Variants in UBE2F observed in about 807,000 individuals in gnomAD.
The protein encoded by UBE2F is ubiquitin conjugating enzyme E2 F (putative), also known as NEDD8-conjugating enzyme UBE2F.
In UBE2F, 5 loss-of-function variants were observed where a neutral mutation model predicts 29.6. That is an observed-to-expected ratio of 0.17 (90% CI 0.09 to 0.36). The LOEUF (loss-of-function observed/expected upper bound fraction) is 0.36. Ranked by LOEUF, UBE2F falls within the 10% of genes least tolerant of loss-of-function variation. UBE2F has a pLI of 1.00. For synonymous variants in UBE2F, 66 were observed against 81.8 expected, an observed-to-expected ratio of 0.81 and a Z score of 1.04; for missense variants, 141 against 228.5, an observed-to-expected ratio of 0.62 and a Z score of 2.47.
At chr2:238,021,384 G>A (rs2064289300) in intron 5 of UBE2F, among the ~76,000 whole-genome samples, 2 of 152,094 alleles carry the variant, frequency 1.3e-5, no homozygotes, top group Non-Finnish European at 2.9e-5. Context: ...GAGACAACAC[G>A]GCCATGCAAA....
chr2:238,032,119 G>T lies in UBE2F; in HGVS notation c.412-103G>T, dbSNP rs1170776541. 3.6e-6 allele frequency: 3 copies of T among 839,242 alleles called. No homozygotes were observed. The African/African-American group carries it at 5.1e-5, about 14-fold the overall frequency. 52.0% of individuals were successfully genotyped at this position (839,242 alleles called of 1,614,324 possible). On this transcript the variant is annotated intron_variant, in intron 7 of 9. Transcript: ENST00000272930. Reference sequence around the variant, plus strand: ...CTTGAGAAAAACAAACCATGCTAAAGACAGGTTTTGATACAGTGCAAAGCA... The same window carrying T: ...CTTGAGAAAAACAAACCATGCTAAATACAGGTTTTGATACAGTGCAAAGCA...
Position 237,967,259 on chromosome 2 carries a change from C to A in UBE2F, c.-17+127C>A. 1.7e-6 allele frequency: 1 copy of A among 593,594 alleles called. No individual in the cohort carries two copies. The highest frequency in any genetic ancestry group is 2.1e-6 in the Non-Finnish European group (1 of 474,318). 36.8% of individuals were successfully genotyped at this position (593,594 alleles called of 1,614,324 possible). A position where few individuals can be genotyped will look rare whatever the true frequency, so the allele number is the denominator to read the frequency against. ...CCTCGGGCCCGCCGGGTTCCTCACG[C>A]CGGGGGCCTGGCGGGCGCGGGCACC... On this transcript the variant is annotated intron_variant, in intron 1 of 9. Transcript: ENST00000272930. This position sits in a 1 kb window ranked among gnomAD's most constrained non-coding sequence, Gnocchi z 6.3.
At chr2:238,011,561 CT>C (rs1391287557) in intron 4 of UBE2F, among the ~76,000 whole-genome samples, 5 of 152,216 alleles carry the variant, frequency 3.3e-5, no homozygotes, top group African/African-American at 1.2e-4. Context: ...CACTCATCAA[CT>C]ATTTGTGTAA....
At chr2:237,995,375 A>G (rs1371279057) in intron 4 of UBE2F, among the ~76,000 whole-genome samples, 1 of 152,250 alleles carries the variant, frequency 6.6e-6, no homozygotes. Flanking sequence ...TTCTTGGTCA[A>G]AGTGACAGCA....
intron 7 of UBE2F, among the ~76,000 whole-genome samples, chr2:238,031,917 C>A (rs1168792462): frequency 2.0e-5 from 3 of 152,224 alleles, no homozygotes; most frequent in Non-Finnish European, 2.9e-5. Flanking sequence ...TAAGGTGGAG[C>A]CCCTATGCAG....
chr2:238,005,131 G>A (rs959215716), intron 4 of UBE2F, among the ~76,000 whole-genome samples: 4 of 152,212 alleles, frequency 2.6e-5, no homozygotes, highest in African/African-American at 9.6e-5. Context: ...AGTAAGAATA[G>A]TTTGTGTTTG....
intron 5 of UBE2F, among the ~76,000 whole-genome samples, chr2:238,019,414 G>A (rs1208179630): frequency 6.6e-6 from 1 of 151,908 alleles, no homozygotes; most frequent in African/African-American, 2.4e-5. Flanking sequence ...GTCTCACTCT[G>A]TTGCCCAGGC....
chr2:237,996,657 G>A (rs1348643767), intron 4 of UBE2F, among the ~76,000 whole-genome samples: 1 of 151,920 alleles, frequency 6.6e-6, no homozygotes. Context: ...TGTATTTTTA[G>A]TAGAGATGGG....
intron 3 of UBE2F, chr2:237,990,511 T>C (rs1323865493): frequency 2.5e-6 from 1 of 393,682 alleles, no homozygotes; most frequent in Admixed American, 3.1e-5. Context: ...CAAGTGATCT[T>C]CCCACCTCAG....
At chr2:238,039,013 T>A (rs1233889191) in intron 9 of UBE2F, among the ~76,000 whole-genome samples, 1 of 152,214 alleles carries the variant, frequency 6.6e-6, no homozygotes, top group Non-Finnish European at 1.5e-5. Context: ...GGCAGGCAGA[T>A]CACCTGAGGT....
chr2:238,010,281 C>T (rs2063994874), intron 4 of UBE2F, among the ~76,000 whole-genome samples: 1 of 151,780 alleles, frequency 6.6e-6, no homozygotes, highest in Non-Finnish European at 1.5e-5. Flanking sequence ...TCAAGTAGTT[C>T]TTCTGCCTCA....
In UBE2F at chr2:238,025,369, A is replaced by G. The variant is rs1231101178; in HGVS notation, c.310A>G (p.Ile104Val). Residue 104 changes from isoleucine (I) to valine (V), a missense_variant, in exon 6 of 10, where the codon ATC (isoleucine) becomes GTC (valine). Coordinates refer to ENST00000272930, the MANE Select transcript of UBE2F (RefSeq NM_080678.3). ...VPPKVKCLTK[I>V]WHPNITETGE... ...TCCCAAAGTGAAATGCCTGACCAAG[A>G]TCTGGCACCCCAACATCACAGAGAC... 6.2e-7 allele frequency: 1 copy of G among 1,614,082 alleles called. No individual in the cohort carries two copies.
intron 2 of UBE2F, among the ~76,000 whole-genome samples, chr2:237,978,673 C>A (rs1243295999): frequency 6.6e-6 from 1 of 152,160 alleles, no homozygotes; most frequent in Non-Finnish European, 1.5e-5. Flanking sequence ...AGCTGCATTG[C>A]CTGGAGGGTG....
At chr2:237,975,669 CTT>C (rs1179798763) in intron 2 of UBE2F, among the ~76,000 whole-genome samples, 1 of 152,088 alleles carries the variant, frequency 6.6e-6, no homozygotes, top group African/African-American at 2.4e-5. Flanking sequence ...ACAGTGTCCT[CTT>C]TTTCTTTTTT....
chr2:237,991,605 C>CTTTTTTTT (rs1559207747), intron 3 of UBE2F, among the ~76,000 whole-genome samples: 1 of 25,026 alleles, frequency 4.0e-5, no homozygotes, highest in Non-Finnish European at 7.5e-5. Context: ...TCTTTTCTTT[C>CTTTTTTTT]TTTCTTTTTT....
At chr2:237,973,394 T>A (rs1256674239) in intron 2 of UBE2F, among the ~76,000 whole-genome samples, 169 bp downstream of exon 2, 3 of 152,304 alleles carry the variant, frequency 2.0e-5, no homozygotes, top group East Asian at 3.9e-4. Context: ...ACCACGCAGG[T>A]GATATGAGCA....
intron 3 of UBE2F, among the ~76,000 whole-genome samples, chr2:237,992,121 C>T (rs534663424): frequency 1.9e-4 from 29 of 152,150 alleles, no homozygotes; most frequent in Admixed American, 9.8e-4. Flanking sequence ...CTGCCTTGGC[C>T]TCCCAAAGTG....
chr2:237,976,707 C>T (rs555095502), intron 2 of UBE2F, among the ~76,000 whole-genome samples: 1 of 152,314 alleles, frequency 6.6e-6, no homozygotes, highest in South Asian at 2.1e-4. Context: ...AATCACTTCC[C>T]TAGAGGCCCC....
At chr2:237,983,429 A>G (rs756304717) in intron 2 of UBE2F, among the ~76,000 whole-genome samples, 1 of 152,120 alleles carries the variant, frequency 6.6e-6, no homozygotes, top group Non-Finnish European at 1.5e-5. Flanking sequence ...CCCATTCCAT[A>G]TACCTGGGCC....
Sources: allele counts gnomAD v4.1 joint callset (sites outside exome capture counted in the v4.1 genomes callset), GRCh38; gene constraint gnomAD v4.1.1; non-coding constraint Gnocchi (gnomAD v3.1); transcripts MANE v1.5; gene names NCBI Gene and HGNC (gene_info 2026-07-23, HGNC 2026-07-21).